The following SLC7A11 variants were observed in gnomAD, a reference collection of about 807,000 sequenced individuals.
The protein encoded by SLC7A11 is solute carrier family 7 member 11.
Under a neutral mutation model 54.5 loss-of-function variants are expected in SLC7A11, and 35 were observed. The ratio of observed to expected loss-of-function variants is 0.64; its 90% CI spans 0.49 to 0.85. The LOEUF (loss-of-function observed/expected upper bound fraction) is 0.85. SLC7A11 is among the 40% of genes least tolerant of loss of function. SLC7A11 has a pLI of 0.00. For missense variants in SLC7A11, 583 were observed against 618.1 expected, an observed-to-expected ratio of 0.94 and a Z score of 0.60; for synonymous variants, 230 against 225.2, an observed-to-expected ratio of 1.02 and a Z score of -0.19.
chr4:138,178,394 TGG>T (rs1736635760), intron 11 of SLC7A11, among the ~76,000 whole-genome samples: 1 of 152,170 alleles, frequency 6.6e-6, no homozygotes, highest in Non-Finnish European at 1.5e-5. Context: ...GATGGGCATT[TGG>T]GTTGGTTCTA....
Position 138,175,071 on chromosome 4 carries a change from T to A in SLC7A11, c.1445-3054A>T, listed in dbSNP as rs141187934. ...CATTTTATTCTTACAATGAAGATAG[T>A]TTGGACCCCTAAGAAATGTAGGCAA... On this transcript the variant is annotated intron_variant, in intron 11 of 11. Transcript: ENST00000280612. 3.1e-4 allele frequency among the ~76,000 whole-genome samples: 47 copies of A among 152,280 alleles called. 1 individual carries two copies. In the East Asian group the frequency reaches 8.7e-3, roughly 28 times the overall value.
At chr4:138,213,502 CA>C (rs1737601507) in intron 6 of SLC7A11, among the ~76,000 whole-genome samples, 1 of 150,786 alleles carries the variant, frequency 6.6e-6, no homozygotes, top group Non-Finnish European at 1.5e-5. Flanking sequence ...TCCTAGAAAT[CA>C]GTGTGTGTTT....
chr4:138,220,608 T>C (rs1354348035), intron 4 of SLC7A11, among the ~76,000 whole-genome samples: 1 of 152,234 alleles, frequency 6.6e-6, no homozygotes, highest in African/African-American at 2.4e-5. Context: ...ATCTTTTGAA[T>C]AGTTTTAAAA....
At chr4:138,201,747 C>T (rs913880942) in intron 6 of SLC7A11, among the ~76,000 whole-genome samples, 20 of 152,006 alleles carry the variant, frequency 1.3e-4, no homozygotes, top group Non-Finnish European at 2.9e-4. Context: ...TGTTTAATAC[C>T]AATAAAAAGC....
At chr4:138,194,703 T>C (rs539453563) in intron 6 of SLC7A11, among the ~76,000 whole-genome samples, 1 of 152,284 alleles carries the variant, frequency 6.6e-6, no homozygotes, top group African/African-American at 2.4e-5. Context: ...ATTCACTTGA[T>C]TTCACAGAAT....
intron 6 of SLC7A11, among the ~76,000 whole-genome samples, chr4:138,201,576 C>G (rs1317184928): frequency 6.6e-6 from 1 of 152,026 alleles, no homozygotes; most frequent in South Asian, 2.1e-4. Context: ...ATTGTCATTT[C>G]CCATGGCCGG....
intron 4 of SLC7A11, among the ~76,000 whole-genome samples, chr4:138,221,457 A>G (rs1016230370): frequency 1.3e-5 from 2 of 152,216 alleles, no homozygotes; most frequent in Non-Finnish European, 2.9e-5. Flanking sequence ...AGAGATGAAG[A>G]AAATCACAAT....
intron 5 of SLC7A11, among the ~76,000 whole-genome samples, chr4:138,217,044 C>T (rs181096508): frequency 5.3e-5 from 8 of 152,296 alleles, no homozygotes; most frequent in Non-Finnish European, 1.0e-4. Context: ...TAGAACCCCA[C>T]ACCAACAGAC....
At chr4:138,235,139 T>G (rs1339402525) in intron 2 of SLC7A11, among the ~76,000 whole-genome samples, 1 of 152,066 alleles carries the variant, frequency 6.6e-6, no homozygotes, top group East Asian at 1.9e-4. Flanking sequence ...AGATAGAATT[T>G]TCAGAAGAAT....
intron 3 of SLC7A11, among the ~76,000 whole-genome samples, chr4:138,225,525 G>A (rs1186715390): frequency 1.3e-5 from 2 of 151,794 alleles, no homozygotes; most frequent in Non-Finnish European, 2.9e-5. Flanking sequence ...TTTTATCAGA[G>A]GAATCACAAA....
chr4:138,196,493 C>T (rs993769356), intron 6 of SLC7A11, among the ~76,000 whole-genome samples: 7 of 152,038 alleles, frequency 4.6e-5, no homozygotes, highest in East Asian at 1.9e-4. Context: ...GAGCTCCCTC[C>T]GTGACGACTG....
rs768732741 is a variant in SLC7A11 at position 138,164,210 on chromosome 4, T to C, written c.*7746A>G. 8 of 152,500 alleles carry C rather than the reference T, an allele frequency of 5.2e-5. No individual in the cohort carries two copies. The highest frequency in any genetic ancestry group is 1.2e-4 in the Non-Finnish European group (8 of 67,970). The allele number at this position is 152,500 out of a possible 1,614,324, so 9.4% of individuals were successfully genotyped here. On this transcript the variant is annotated 3_prime_UTR_variant, in exon 12 of 12. Transcript: ENST00000280612. ...GCAACTAGAAGCGTGACAGGTATAA[T>C]ACATATAAATACAACCAAAATTCAA...
In SLC7A11 at chr4:138,164,236, T is replaced by C. The variant is rs1736194412; in HGVS notation, c.*7720A>G. The C allele has an allele frequency of 6.6e-6, 1 of 152,290 alleles. No individual in the cohort carries two copies. Among genetic ancestry groups the C allele is most frequent in the Admixed American group, 6.6e-5 (1 of 15,250 alleles). The allele number at this position is 152,290 out of a possible 1,614,324, so 9.4% of individuals were successfully genotyped here. ...ACATATAAATACAACCAAAATTCAATTCAATGCAAAGTTGAATGACATCAT... is the reference window on the plus strand; with the variant it reads ...ACATATAAATACAACCAAAATTCAACTCAATGCAAAGTTGAATGACATCAT... On this transcript the variant is annotated 3_prime_UTR_variant, in exon 12 of 12. Transcript: ENST00000280612.
intron 6 of SLC7A11, among the ~76,000 whole-genome samples, chr4:138,197,459 A>AT (rs1553942986): frequency 6.6e-6 from 1 of 152,124 alleles, no homozygotes. Flanking sequence ...ATTAGTTAAC[A>AT]TTTTTTAAAT....
Position 138,241,987 on chromosome 4 carries a change from C to A in SLC7A11, c.83G>T (p.Gly28Val). 2.5e-6 allele frequency: 4 copies of A among 1,614,156 alleles called. No individual in the cohort carries two copies. Among genetic ancestry groups the A allele is most frequent in the Non-Finnish European group, 3.4e-6 (4 of 1,180,014 alleles). The stretch of plus-strand genomic sequence containing the variant: ...CTCCTGCCCAGGTGGCTCCTTGTTG[C>A]CCAGGGAAGGCAGCCTCCCGTTAAC... ...GNVNGRLPSL[G>V]NKEPPGQEKV... Residue 28 changes from glycine to valine, a missense_variant, in exon 1 of 12, where the codon GGC (glycine) becomes GTC (valine). Transcript: ENST00000280612.
intron 6 of SLC7A11, among the ~76,000 whole-genome samples, chr4:138,205,090 C>T (rs577542832): frequency 6.6e-6 from 1 of 152,034 alleles, no homozygotes; most frequent in Admixed American, 6.6e-5. Context: ...TCCTCACAAC[C>T]CCATGAGAAC....
intron 5 of SLC7A11, among the ~76,000 whole-genome samples, chr4:138,218,251 A>T (rs797003466): frequency 7.9e-5 from 12 of 152,330 alleles, no homozygotes; most frequent in African/African-American, 2.9e-4. Context: ...TTGGAAATGC[A>T]TTCATATAAT....
intron 3 of SLC7A11, among the ~76,000 whole-genome samples, chr4:138,230,042 A>G (rs1414091021): frequency 6.6e-6 from 1 of 152,190 alleles, no homozygotes. Flanking sequence ...TGGACTTATC[A>G]AGAACTTTCT....
chr4:138,188,713 T>C (rs1001658873), intron 6 of SLC7A11, among the ~76,000 whole-genome samples: 7 of 152,154 alleles, frequency 4.6e-5, no homozygotes, highest in African/African-American at 1.7e-4. Context: ...CACTTGATAA[T>C]GAAGGGAATT....
Sources: gnomAD v4.1 joint callset for allele counts (sites outside exome capture counted in the v4.1 genomes callset) on GRCh38, gnomAD v4.1.1 for gene constraint, MANE v1.5 for transcripts, NCBI Gene and HGNC (gene_info 2026-07-23, HGNC 2026-07-21) for gene names.